The following CPQ variants were observed in gnomAD, a reference collection of about 807,000 sequenced individuals.
The protein encoded by CPQ is carboxypeptidase Q, also known as Ser-Met dipeptidase.
A neutral mutation model predicts 45.7 loss-of-function variants in CPQ; 37 were observed. The ratio of observed to expected loss-of-function variants is 0.81; its 90% CI spans 0.62 to 1.07. The LOEUF (loss-of-function observed/expected upper bound fraction) is 1.07. Ranked by LOEUF, CPQ falls within the 50% of genes least tolerant of loss-of-function variation. The probability of loss-of-function intolerance (pLI) is 0.00; values close to 1 mark genes in which losing one functional copy is unlikely to be tolerated. For synonymous variants in CPQ, 186 were observed against 205.8 expected (o/e 0.90, Z 0.82); for missense variants, 537 against 572.9 (o/e 0.94, Z 0.64).
At chr8:96,754,693 T>C (rs939276329) in intron 1 of CPQ, among the ~76,000 whole-genome samples, 1 of 152,082 alleles carries the variant, frequency 6.6e-6, no homozygotes, top group African/African-American at 2.4e-5. Flanking sequence ...TTTAAATTTG[T>C]TAAAACGTGA....
intron 1 of CPQ, among the ~76,000 whole-genome samples, chr8:96,762,174 C>T (rs1810413760): frequency 6.6e-6 from 1 of 152,076 alleles, no homozygotes. Flanking sequence ...TAAGAATAGA[C>T]AATTATTTTG....
intron 6 of CPQ, among the ~76,000 whole-genome samples, chr8:97,060,423 C>G (rs974132209): frequency 6.6e-6 from 1 of 152,046 alleles, no homozygotes; most frequent in African/African-American, 2.4e-5. Flanking sequence ...TTAACTAATC[C>G]TATGATCTGA....
chr8:97,135,661 G>T (rs1317368638), intron 7 of CPQ, among the ~76,000 whole-genome samples: 1 of 152,084 alleles, frequency 6.6e-6, no homozygotes, highest in African/African-American at 2.4e-5. Flanking sequence ...TAATTATTAT[G>T]ATCAGGGAAT....
At chr8:96,704,581 G>T (rs115874521) in intron 1 of CPQ, among the ~76,000 whole-genome samples, 1 of 152,082 alleles carries the variant, frequency 6.6e-6, no homozygotes, top group Non-Finnish European at 1.5e-5. Flanking sequence ...ACATTAGAAT[G>T]TGTGATATAA....
intron 4 of CPQ, among the ~76,000 whole-genome samples, chr8:96,895,832 T>G (rs1385231635): frequency 6.6e-6 from 1 of 152,194 alleles, no homozygotes; most frequent in African/African-American, 2.4e-5. Flanking sequence ...TAAACTAATT[T>G]AATGTCATGT....
intron 1 of CPQ, among the ~76,000 whole-genome samples, chr8:96,714,873 CT>C (rs1215493315): frequency 1.3e-5 from 2 of 152,002 alleles, no homozygotes; most frequent in African/African-American, 2.4e-5. Flanking sequence ...CCTAATGAAG[CT>C]CTTGGTGCTT....
At chr8:97,017,430 G>T (rs1051269807) in intron 5 of CPQ, among the ~76,000 whole-genome samples, 19 of 152,194 alleles carry the variant, frequency 1.2e-4, no homozygotes, top group Admixed American at 2.6e-4. Context: ...GGGAGGGCAT[G>T]AATCCAGTGT....
At position 97,125,141 on chromosome 8, in the gene CPQ, C is replaced by T. The variant is rs867832952; in HGVS notation, c.1256-17879C>T. On this transcript the variant is annotated intron_variant, in intron 7 of 7. Coordinates refer to ENST00000220763, the MANE Select transcript of CPQ (RefSeq NM_016134.4). ...CAAACATATACAAAAAATTCAACAA[C>T]GCAGATGACATGCATAAATTCCTTA... 8.5e-5 allele frequency among the ~76,000 whole-genome samples: 13 copies of T among 152,110 alleles called. No homozygotes were observed. In the East Asian group the frequency reaches 9.6e-4, roughly 11 times the overall value.
chr8:96,830,468 C>T (rs1586417910), intron 2 of CPQ, among the ~76,000 whole-genome samples: 1 of 151,904 alleles, frequency 6.6e-6, no homozygotes, highest in East Asian at 1.9e-4. Flanking sequence ...TAATTACACA[C>T]AGGTTAAGTG....
chr8:96,856,677 G>C (rs1811856359), intron 3 of CPQ, among the ~76,000 whole-genome samples: 1 of 152,174 alleles, frequency 6.6e-6, no homozygotes, highest in Non-Finnish European at 1.5e-5. Flanking sequence ...GAACAAGACA[G>C]AGATGACCCA....
intron 6 of CPQ, among the ~76,000 whole-genome samples, chr8:97,055,215 T>A (rs2513339): frequency 7.9e-5 from 12 of 151,918 alleles, no homozygotes; most frequent in Non-Finnish European, 1.3e-4. Flanking sequence ...ATCATCATGA[T>A]CCTCACTGGA....
intron 1 of CPQ, among the ~76,000 whole-genome samples, chr8:96,724,933 A>G: frequency 6.6e-6 from 1 of 152,148 alleles, no homozygotes; most frequent in Non-Finnish European, 1.5e-5. Flanking sequence ...AAGCTGCACA[A>G]CTACAACCAT....
At chr8:97,071,321 G>A (rs1202025180) in intron 7 of CPQ, among the ~76,000 whole-genome samples, 1 of 152,120 alleles carries the variant, frequency 6.6e-6, no homozygotes, top group Non-Finnish European at 1.5e-5. Context: ...TAAGATCCAT[G>A]CTCTCACAGA....
chr8:96,673,033 C>T (rs765908176), intron 1 of CPQ, among the ~76,000 whole-genome samples: 14 of 151,858 alleles, frequency 9.2e-5, no homozygotes, highest in Non-Finnish European at 1.8e-4. Flanking sequence ...TACCAAGGTA[C>T]TGAGGTGGGA....
intron 6 of CPQ, among the ~76,000 whole-genome samples, chr8:97,031,261 A>G (rs145695436): frequency 0.011 from 1,584 of 143,802 alleles, 30 homozygotes; most frequent in African/African-American, 0.039. Flanking sequence ...ATCTTGGCTC[A>G]CTGCAACCTC....
chr8:97,123,014 T>A (rs1478362377), intron 7 of CPQ, among the ~76,000 whole-genome samples: 14 of 24,406 alleles, frequency 5.7e-4, no homozygotes, highest in Non-Finnish European at 8.7e-4. Context: ...TAAAATAAAA[T>A]AAAATAAAAT....
intron 5 of CPQ, among the ~76,000 whole-genome samples, chr8:97,002,702 T>C (rs1809306975): frequency 6.6e-6 from 1 of 152,230 alleles, no homozygotes; most frequent in Non-Finnish European, 1.5e-5. Context: ...GAAAGTGCCA[T>C]GTGGCGATGA....
intron 2 of CPQ, among the ~76,000 whole-genome samples, chr8:96,816,844 C>T (rs997091613): frequency 6.6e-6 from 1 of 152,066 alleles, no homozygotes; most frequent in Admixed American, 6.6e-5. Flanking sequence ...CAAGAGTGGG[C>T]TTAAAATATT....
intron 3 of CPQ, among the ~76,000 whole-genome samples, chr8:96,852,479 T>C (rs1301320692): frequency 1.3e-5 from 2 of 152,184 alleles, no homozygotes; most frequent in Non-Finnish European, 2.9e-5. Context: ...ATTAGGTTTG[T>C]AGGTGAACAT....
Sources: gnomAD v4.1 joint callset for allele counts (sites outside exome capture counted in the v4.1 genomes callset) on GRCh38, gnomAD v4.1.1 for gene constraint, MANE v1.5 for transcripts, NCBI Gene and HGNC (gene_info 2026-07-23, HGNC 2026-07-21) for gene names.